ZNF407: variants seen among roughly 807,000 people sequenced by gnomAD.
ZNF407 encodes zinc finger protein 407.
A neutral mutation model predicts 131.2 loss-of-function variants in ZNF407; 17 were observed. That is an observed-to-expected ratio of 0.13 (90% CI 0.09 to 0.19). The LOEUF is 0.19. Ranked by LOEUF, ZNF407 falls within the 10% of genes least tolerant of loss-of-function variation. The probability of loss-of-function intolerance (pLI) is 1.00; values close to 1 mark genes in which losing one functional copy is unlikely to be tolerated. For missense variants in ZNF407, 2,681 were observed against 2,830.6 expected, an observed-to-expected ratio of 0.95 and a Z score of 1.20; for synonymous variants, 1,156 against 1,062.0, an observed-to-expected ratio of 1.09 and a Z score of -1.72.
At chr18:74,884,144 T>C (rs1021265549) in intron 6 of ZNF407, among the ~76,000 whole-genome samples, 6 of 152,232 alleles carry the variant, frequency 3.9e-5, no homozygotes, top group African/African-American at 1.2e-4. Context: ...TCTTTTCATA[T>C]AATGTATGTC....
At chr18:74,796,957 G>C (rs1969931061) in intron 4 of ZNF407, among the ~76,000 whole-genome samples, 1 of 152,164 alleles carries the variant, frequency 6.6e-6, no homozygotes, top group Non-Finnish European at 1.5e-5. Flanking sequence ...CAGCAAGTTT[G>C]ACAAGACCTG....
chr18:74,649,194 A>G (rs765292557), intron 3 of ZNF407, among the ~76,000 whole-genome samples: 4 of 152,260 alleles, frequency 2.6e-5, no homozygotes, highest in Admixed American at 6.5e-5. Flanking sequence ...CTGAGGTACT[A>G]TAAGAATATA....
chr18:74,999,604 T>C (rs1568296703), intron 8 of ZNF407, among the ~76,000 whole-genome samples: 1 of 152,208 alleles, frequency 6.6e-6, no homozygotes, highest in Non-Finnish European at 1.5e-5. Flanking sequence ...TTTGAATCAT[T>C]GTATTGAAGA....
intron 4 of ZNF407, among the ~76,000 whole-genome samples, chr18:74,831,928 T>A (rs1169789563): frequency 6.6e-6 from 1 of 152,228 alleles, no homozygotes; most frequent in Admixed American, 6.5e-5. Flanking sequence ...CCACCTGCCC[T>A]GATCCTGTCA....
At chr18:74,686,519 T>C (rs1967101066) in intron 3 of ZNF407, among the ~76,000 whole-genome samples, 1 of 152,252 alleles carries the variant, frequency 6.6e-6, no homozygotes, top group Non-Finnish European at 1.5e-5. Flanking sequence ...GTTCGCTCCC[T>C]GATCCAGTCT....
chr18:74,658,581 CTG>C (rs941260144), intron 3 of ZNF407, among the ~76,000 whole-genome samples: 14 of 152,182 alleles, frequency 9.2e-5, no homozygotes, highest in Non-Finnish European at 1.6e-4. Context: ...TAAAGAAAAA[CTG>C]TGATGTGTAA....
chr18:74,706,200 G>T (rs1967619930), intron 3 of ZNF407, among the ~76,000 whole-genome samples: 1 of 152,184 alleles, frequency 6.6e-6, no homozygotes. Context: ...AATTGTTGCA[G>T]AATTTTTATA....
intron 8 of ZNF407, among the ~76,000 whole-genome samples, chr18:74,997,819 C>A (rs1972797082): frequency 6.6e-6 from 1 of 152,200 alleles, no homozygotes; most frequent in Non-Finnish European, 1.5e-5. Flanking sequence ...GCTTACCCAG[C>A]TGTCTAAAAA....
At chr18:74,797,979 T>C (rs1969951963) in intron 4 of ZNF407, among the ~76,000 whole-genome samples, 1 of 152,112 alleles carries the variant, frequency 6.6e-6, no homozygotes, top group Non-Finnish European at 1.5e-5. Context: ...GTGAGAGTTC[T>C]GGAATAGTGT....
At chr18:74,972,011 T>C (rs1463442457) in intron 8 of ZNF407, among the ~76,000 whole-genome samples, 1 of 152,168 alleles carries the variant, frequency 6.6e-6, no homozygotes, top group Non-Finnish European at 1.5e-5. Flanking sequence ...AAACTCCTGA[T>C]AAACCCATCA....
At chr18:74,885,972 T>G (rs959156470) in intron 6 of ZNF407, among the ~76,000 whole-genome samples, 1 of 152,214 alleles carries the variant, frequency 6.6e-6, no homozygotes, top group Admixed American at 6.5e-5. Flanking sequence ...AAAAATTATG[T>G]TGATAAGTTG....
intron 8 of ZNF407, among the ~76,000 whole-genome samples, chr18:75,039,718 CTT>C (rs36086764): frequency 1.8e-5 from 2 of 111,936 alleles, no homozygotes; most frequent in Non-Finnish European, 3.4e-5. Context: ...AGGGGCCAAG[CTT>C]TTTTTTTTTT....
intron 3 of ZNF407, among the ~76,000 whole-genome samples, chr18:74,773,937 C>G (rs1456478706): frequency 6.6e-6 from 1 of 152,174 alleles, no homozygotes; most frequent in African/African-American, 2.4e-5. Context: ...TATAAGAAAC[C>G]AGGACTGATT....
chr18:75,043,158 C>T lies in ZNF407; in HGVS notation c.5429-19992C>T, dbSNP rs552661235. ...CAGTTCATGAGAGCTCCAGGTGCTC[C>T]GCGTCCTCACCAGCACTTGGCATGA... On this transcript the variant is annotated intron_variant, in intron 8 of 8. Transcript: ENST00000299687. 2.0e-5 allele frequency among the ~76,000 whole-genome samples: 3 copies of T among 152,300 alleles called. No individual in the cohort carries two copies. The South Asian group carries it at 6.2e-4, about 32-fold the overall frequency.
chr18:74,984,082 A>G (rs563939301), intron 8 of ZNF407, among the ~76,000 whole-genome samples: 95 of 152,352 alleles, frequency 6.2e-4, no homozygotes, highest in African/African-American at 2.2e-3. Context: ...CTTCTTTTAT[A>G]GAAAATCAAA....
intron 3 of ZNF407, among the ~76,000 whole-genome samples, chr18:74,693,444 T>G (rs140367064): frequency 2.2e-3 from 328 of 152,372 alleles, no homozygotes; most frequent in African/African-American, 7.3e-3. Flanking sequence ...ATAGTGGGTG[T>G]CTGCTGGTAA....
intron 3 of ZNF407, among the ~76,000 whole-genome samples, chr18:74,662,872 A>G (rs568508237): frequency 5.3e-5 from 8 of 152,356 alleles, no homozygotes; most frequent in Non-Finnish European, 1.0e-4. Context: ...ATTTCTTTAC[A>G]TAGATGTCTG....
chr18:74,931,597 T>C (rs1445901518), intron 8 of ZNF407, among the ~76,000 whole-genome samples: 1 of 152,220 alleles, frequency 6.6e-6, no homozygotes, highest in East Asian at 1.9e-4. Context: ...TAAGATCTCA[T>C]TTCCTTGGGT....
At chr18:75,035,807 A>T (rs1973301463) in intron 8 of ZNF407, among the ~76,000 whole-genome samples, 1 of 152,196 alleles carries the variant, frequency 6.6e-6, no homozygotes. Context: ...ACTTCTGAGG[A>T]TTCCATTAGC....
Sources: gnomAD v4.1 joint callset for allele counts (sites outside exome capture counted in the v4.1 genomes callset) on GRCh38, gnomAD v4.1.1 for gene constraint, MANE v1.5 for transcripts, NCBI Gene and HGNC (gene_info 2026-07-23, HGNC 2026-07-21) for gene names.